The following STX8 variants were observed in gnomAD, a reference collection of about 807,000 sequenced individuals.
STX8 encodes the protein syntaxin-8.
A neutral mutation model predicts 37.5 loss-of-function variants in STX8; 23 were observed. That is an observed-to-expected ratio of 0.61 (90% CI 0.44 to 0.87). STX8 has a LOEUF of 0.87. Ranked by LOEUF, STX8 falls within the 40% of genes least tolerant of loss-of-function variation. The pLI is 0.00. For missense variants in STX8, 313 were observed against 284.7 expected (o/e 1.10, Z -0.71); for synonymous variants, 115 against 99.1 (o/e 1.16, Z -0.95).
intron 3 of STX8, among the ~76,000 whole-genome samples, chr17:9,545,536 T>C (rs771651255): frequency 6.6e-6 from 1 of 152,152 alleles, no homozygotes; most frequent in Non-Finnish European, 1.5e-5. Flanking sequence ...AAGTTTTTCA[T>C]TGAGAAATAT....
chr17:9,273,884 G>C (rs141955717), intron 7 of STX8, among the ~76,000 whole-genome samples: 307 of 152,260 alleles, frequency 2.0e-3, no homozygotes, highest in Non-Finnish European at 3.4e-3. Flanking sequence ...AGTCTAACAT[G>C]CTCTGCCGTC....
intron 6 of STX8, among the ~76,000 whole-genome samples, chr17:9,385,824 A>G (rs905409327): frequency 1.3e-5 from 2 of 152,202 alleles, no homozygotes; most frequent in African/African-American, 4.8e-5. Flanking sequence ...CTGGAGCTGG[A>G]GTGCAGTGGC....
At chr17:9,337,130 AAACT>A (rs1910163626) in intron 7 of STX8, among the ~76,000 whole-genome samples, 1 of 152,224 alleles carries the variant, frequency 6.6e-6, no homozygotes, top group African/African-American at 2.4e-5. Flanking sequence ...CACACATGAA[AAACT>A]ATCTTGAGAA....
intron 3 of STX8, chr17:9,556,865 A>C (rs1050969485): frequency 2.7e-5 from 4 of 148,568 alleles, no homozygotes; most frequent in African/African-American, 7.5e-5. Flanking sequence ...AACTTGCTTC[A>C]AGAAGTCCCA....
chr17:9,336,464 C>G (rs1293849382), intron 7 of STX8, among the ~76,000 whole-genome samples: 1 of 151,466 alleles, frequency 6.6e-6, no homozygotes, highest in South Asian at 2.1e-4. Flanking sequence ...GAGATGGAGT[C>G]TCACTCTGTG....
intron 6 of STX8, among the ~76,000 whole-genome samples, chr17:9,459,470 C>T (rs1905286931): frequency 6.6e-6 from 1 of 152,184 alleles, no homozygotes; most frequent in Admixed American, 6.5e-5. Flanking sequence ...GGTGAAGAAG[C>T]GTATCTTGTG....
At chr17:9,558,592 T>G (rs922694980) in intron 2 of STX8, among the ~76,000 whole-genome samples, 9 of 151,686 alleles carry the variant, frequency 5.9e-5, no homozygotes. Context: ...TCCCAGCACT[T>G]TGGGAGGCCG....
chr17:9,552,808 A>T (rs1906821798), intron 3 of STX8: 1 of 151,392 alleles, frequency 6.6e-6, no homozygotes, highest in South Asian at 2.1e-4. Context: ...GCCCGCCACC[A>T]CGCCCGGCTA....
intron 6 of STX8, among the ~76,000 whole-genome samples, chr17:9,393,689 A>C (rs1912305718): frequency 6.6e-6 from 1 of 152,224 alleles, no homozygotes; most frequent in Non-Finnish European, 1.5e-5. Flanking sequence ...ACAAAAAGCT[A>C]CAGTAAATAA....
At chr17:9,531,547 G>C (rs987828500) in intron 4 of STX8, among the ~76,000 whole-genome samples, 1 of 152,184 alleles carries the variant, frequency 6.6e-6, no homozygotes, top group Non-Finnish European at 1.5e-5. Context: ...TTGAGAGAGA[G>C]AGAGAGAGAC....
intron 6 of STX8, among the ~76,000 whole-genome samples, chr17:9,380,527 T>C (rs1911760843): frequency 6.6e-6 from 1 of 151,706 alleles, no homozygotes; most frequent in Non-Finnish European, 1.5e-5. Flanking sequence ...GTGTTAGGAT[T>C]ACAACCATGA....
intron 6 of STX8, among the ~76,000 whole-genome samples, chr17:9,406,523 G>A (rs993030466): frequency 6.6e-6 from 1 of 152,262 alleles, no homozygotes; most frequent in African/African-American, 2.4e-5. Context: ...TGTGCAGCAT[G>A]ATTTAATACT....
rs540379879 is a variant in STX8, at chr17:9,563,218, T to C, written c.117+5153A>G. The stretch of plus-strand genomic sequence containing the variant: ...ATTTATTGAGACAGAGTTTCATTCT[T>C]GTCACCCAGGATGGAGTGCAGTGGC... On this transcript the variant is annotated intron_variant, in intron 2 of 7. Transcript: ENST00000306357. Among the ~76,000 whole-genome samples the C allele has an allele frequency of 2.4e-3, 370 of 151,508 alleles. 3 individuals carry two copies. The highest frequency in any genetic ancestry group is 0.014 in the Middle Eastern group (4 of 290).
At position 9,465,179 on chromosome 17, in the gene STX8, T is replaced by C. The variant is rs149043403; in HGVS notation, c.541+26650A>G. On this transcript the variant is annotated intron_variant, in intron 6 of 7. Transcript: ENST00000306357. ...CACTTCCTCAGTAATAGGCAGAGGA[T>C]TATTACTTGAAGTTGCTTTTTTTTT... 2.2e-3 allele frequency among the ~76,000 whole-genome samples: 329 copies of C among 151,886 alleles called. 1 individual carries two copies. The highest frequency in any genetic ancestry group is 3.4e-3 in the Middle Eastern group (1 of 294).
rs1035595665 is a variant in STX8, at chr17:9,525,522, A to G, written c.323+19650T>C. On this transcript the variant is annotated intron_variant, in intron 4 of 7. Coordinates refer to ENST00000306357, the MANE Select transcript of STX8 (RefSeq NM_004853.3). ...CCACCACACCCAGCTAATTTTTTGT[A>G]TTTTTAGTAGAGACGGGGTTTCACC... 6.6e-5 allele frequency among the ~76,000 whole-genome samples: 10 copies of G among 151,634 alleles called. No individual in the cohort carries two copies. The East Asian group carries it at 1.6e-3, about 24-fold the overall frequency.
intron 6 of STX8, among the ~76,000 whole-genome samples, chr17:9,448,145 A>G (rs1904916390): frequency 1.4e-5 from 2 of 148,134 alleles, no homozygotes; most frequent in Non-Finnish European, 3.0e-5. Flanking sequence ...ATTGCACTCC[A>G]GCCTGGGCAA....
In STX8 at chr17:9,436,239, G is replaced by C. The variant is rs56041440; in HGVS notation, c.541+55590C>G. Among the ~76,000 whole-genome samples the C allele has an allele frequency of 3.0e-3, 453 of 151,994 alleles. 4 individuals are homozygous for C. Among genetic ancestry groups the C allele is most frequent in the African/African-American group, 1.0e-2 (414 of 41,448 alleles). ...GGGCGCCTGTAGTCCCAGCTACTTG[G>C]GGGGCTGAGGCAGGAGAATGGCATG... On this transcript the variant is annotated intron_variant, in intron 6 of 7. Coordinates refer to ENST00000306357, the MANE Select transcript of STX8 (RefSeq NM_004853.3).
At chr17:9,567,711 G>A (rs145170840) in intron 2 of STX8, among the ~76,000 whole-genome samples, 256 of 152,214 alleles carry the variant, frequency 1.7e-3, no homozygotes, top group Middle Eastern at 6.8e-3. Flanking sequence ...TTTTGAGACA[G>A]GGTCTCACTC....
chr17:9,473,191 A>AT (rs1037408555), intron 6 of STX8, among the ~76,000 whole-genome samples: 23 of 151,470 alleles, frequency 1.5e-4, no homozygotes, highest in Admixed American at 6.6e-4. Context: ...TAATTTTTGT[A>AT]TTTTTTTAGT....
Sources: allele counts gnomAD v4.1 joint callset (sites outside exome capture counted in the v4.1 genomes callset), GRCh38; gene constraint gnomAD v4.1.1; transcripts MANE v1.5; gene names NCBI Gene and HGNC (gene_info 2026-07-23, HGNC 2026-07-21).